Variants in KANK2 observed in about 807,000 individuals in gnomAD.
KANK2 encodes KN motif and ankyrin repeat domains 2, also known as KN motif and ankyrin repeat domain-containing protein 2.
In KANK2, 41 loss-of-function variants were observed where a neutral mutation model predicts 74.6. The ratio of observed to expected loss-of-function variants is 0.55; its 90% CI spans 0.43 to 0.71. The LOEUF is 0.71. Among genes scored for constraint, KANK2 ranks in the 30% least tolerant of loss-of-function variants. KANK2 has a pLI of 0.00. For synonymous variants in KANK2, 537 were observed against 519.0 expected, an observed-to-expected ratio of 1.03 and a Z score of -0.47; for missense variants, 1,148 against 1,196.4, an observed-to-expected ratio of 0.96 and a Z score of 0.60.
rs61734812 is a variant in KANK2 at position 11,174,543 on chromosome 19, G to A, written c.1998C>T (p.Asn666=). ...CGGAGTAGTGCAGGGCTGTGTTGCC[G>A]TTGCTGTCGGCGATGTTGACCACGT... ...LDYVVNIADS[N]GNTALHYSVS... is the part of the protein sequence containing the mutation. The change falls in exon 9 of 13, where the codon AAC becomes AAT. Residue 666 remains asparagine, a synonymous_variant. Coordinates refer to ENST00000586659, the MANE Select transcript of KANK2 (RefSeq NM_001136191.3). 3,157 of 1,613,636 alleles carry A rather than the reference G, an allele frequency of 2.0e-3. 41 individuals carry two copies. The African/African-American group carries it at 0.031, about 16-fold the overall frequency.
chr19:11,166,628 G>C lies in KANK2; in HGVS notation c.2503-17C>G. ...TGGGGCAAACTGAAACAGAGAAGCA[G>C]AATTCTTTTTGTTTGGGATCCTTTC... On this transcript the variant is annotated splice_polypyrimidine_tract_variant and intron_variant, in intron 12 of 12. Transcript: ENST00000586659. The C allele has an allele frequency of 6.2e-7, 1 of 1,613,726 alleles. No individual in the cohort carries two copies.
At chr19:11,191,518 C>T (rs1040936598) in intron 4 of KANK2, among the ~76,000 whole-genome samples, 1 of 152,226 alleles carries the variant, frequency 6.6e-6, no homozygotes, top group Non-Finnish European at 1.5e-5. Flanking sequence ...TCCCCTACCC[C>T]CGGCGTCCAT....
chr19:11,174,945 TTCTC>T (rs1182860134), intron 8 of KANK2, among the ~76,000 whole-genome samples: 22 of 150,694 alleles, frequency 1.5e-4, no homozygotes, highest in East Asian at 4.0e-4. Context: ...TGGATATAAT[TTCTC>T]TCTCTCTCTT....
chr19:11,180,104 C>T (rs145800391), intron 4 of KANK2, among the ~76,000 whole-genome samples: 209 of 152,268 alleles, frequency 1.4e-3, no homozygotes, highest in African/African-American at 4.7e-3. Flanking sequence ...TCAAGTGATC[C>T]GCCTTCCAAA....
In KANK2 at chr19:11,174,453, G is replaced by A. The variant is rs370054146; in HGVS notation, c.2068+20C>T. 34 of 1,582,416 alleles carry A rather than the reference G, an allele frequency of 2.1e-5. No individual in the cohort carries two copies. Among genetic ancestry groups the A allele is most frequent in the African/African-American group, 1.9e-4 (14 of 74,298 alleles). Reference sequence around the variant, plus strand: ...CAGCTGGCTGGTTTAGAGCCGCCTCGTCCTCCCCGCTGGGCTCACCGCTGT... The same window carrying A: ...CAGCTGGCTGGTTTAGAGCCGCCTCATCCTCCCCGCTGGGCTCACCGCTGT... On this transcript the variant is annotated intron_variant, in intron 9 of 12. Coordinates refer to ENST00000586659, the MANE Select transcript of KANK2 (RefSeq NM_001136191.3).
chr19:11,167,035 G>A (rs1219631486), intron 12 of KANK2, among the ~76,000 whole-genome samples: 3 of 152,168 alleles, frequency 2.0e-5, no homozygotes, highest in African/African-American at 7.2e-5. Context: ...GTTGTGCAGG[G>A]CCTGGTGGGC....
Position 11,164,823 on chromosome 19 carries a change from C to T in KANK2, c.*1735G>A, listed in dbSNP as rs1177730107. The T allele has an allele frequency of 6.6e-6, 1 of 152,070 alleles. No homozygotes were observed. Among genetic ancestry groups the T allele is most frequent in the Admixed American group, 6.6e-5 (1 of 15,226 alleles). 9.4% of individuals were successfully genotyped at this position (152,070 alleles called of 1,614,324 possible). ...TACGTACATTCCCTTCACTAAAAAT[C>T]AAAGCAAGCCAGTCTACATCAAGCC... is the stretch of plus-strand genomic sequence containing the variant. On this transcript the variant is annotated 3_prime_UTR_variant, in exon 13 of 13. Coordinates refer to ENST00000586659, the MANE Select transcript of KANK2 (RefSeq NM_001136191.3).
At chr19:11,168,895 C>A (rs2078096442) in intron 12 of KANK2, among the ~76,000 whole-genome samples, 1 of 152,140 alleles carries the variant, frequency 6.6e-6, no homozygotes, top group African/African-American at 2.4e-5. Context: ...GCACAATCAG[C>A]TCTTCATAAA....
At chr19:11,189,826 G>A (rs530442051) in intron 4 of KANK2, among the ~76,000 whole-genome samples, 2 of 152,094 alleles carry the variant, frequency 1.3e-5, no homozygotes, top group Non-Finnish European at 2.9e-5. Context: ...GCTCTGGGAG[G>A]CACGTCTGGA....
intron 4 of KANK2, among the ~76,000 whole-genome samples, chr19:11,188,916 T>C (rs1600821881): frequency 6.8e-6 from 1 of 146,174 alleles, no homozygotes; most frequent in Non-Finnish European, 1.5e-5. Context: ...ACCCAGGAGG[T>C]GGAGGTTGCA....
At chr19:11,173,330 G>A (rs2078233343) in intron 9 of KANK2, among the ~76,000 whole-genome samples, 1 of 152,140 alleles carries the variant, frequency 6.6e-6, no homozygotes, top group African/African-American at 2.4e-5. Flanking sequence ...ATCAGATTTG[G>A]GGCCCCTGAT....
chr19:11,194,082 G>A, intron 3 of KANK2, 40 bp from the exon 4 acceptor site: 1 of 1,553,406 alleles, frequency 6.4e-7, no homozygotes, highest in Middle Eastern at 1.8e-4. Flanking sequence ...GAATCCTCTT[G>A]TCCCCATTCT....
chr19:11,189,280 A>C (rs67431680), intron 4 of KANK2, among the ~76,000 whole-genome samples: 1 of 151,650 alleles, frequency 6.6e-6, no homozygotes, highest in African/African-American at 2.4e-5. Flanking sequence ...AAAGCCTCAC[A>C]TTATTCCAGT....
intron 4 of KANK2, among the ~76,000 whole-genome samples, chr19:11,190,074 T>G (rs1446200385): frequency 6.6e-6 from 1 of 152,226 alleles, no homozygotes; most frequent in African/African-American, 2.4e-5. Flanking sequence ...GGATGAGAAC[T>G]TGGGCCCTAC....
intron 4 of KANK2, among the ~76,000 whole-genome samples, chr19:11,179,443 C>T (rs576353963): frequency 1.3e-5 from 2 of 151,668 alleles, no homozygotes; most frequent in Non-Finnish European, 2.9e-5. Flanking sequence ...TCAAGACCAG[C>T]CTGGCCAACA....
chr19:11,192,076 G>C (rs12979370), intron 4 of KANK2, among the ~76,000 whole-genome samples: 10,535 of 152,054 alleles, frequency 0.069, 420 homozygotes, highest in Admixed American at 0.09. Flanking sequence ...ACGACAACAA[G>C]AACAAGATAT....
chr19:11,192,832 T>C lies in KANK2; in HGVS notation c.1248A>G (p.Ala416=). The change falls in exon 4 of 13, where the codon GCA becomes GCG. Residue 416 remains alanine, a splice_region_variant and synonymous_variant. Transcript: ENST00000586659. ...SITERSCDGA[A]GLPEVPAESS... is the part of the protein sequence containing the mutation. The stretch of plus-strand genomic sequence containing the variant: ...CCCTGCCTGCCTGCGACCGCTTACC[T>C]GCTGCTCCATCGCAGCTTCGCTCTG... The C allele has an allele frequency of 1.3e-6, 2 of 1,525,376 alleles. No individual in the cohort carries two copies. Among genetic ancestry groups the C allele is most frequent in the Non-Finnish European group, 1.8e-6 (2 of 1,125,634 alleles). The allele number at this position is 1,525,376 out of a possible 1,614,324, so 94.5% of individuals were successfully genotyped here. A position where few individuals can be genotyped will look rare whatever the true frequency, so the allele number is the denominator to read the frequency against.
rs4804572 is a variant in KANK2 at position 11,166,398 on chromosome 19, C to T, written c.*160G>A. 0.41 allele frequency: 268,021 copies of T among 655,720 alleles called. 55,979 individuals are homozygous for T. The highest frequency in any genetic ancestry group is 0.52 in the South Asian group (27,427 of 52,686). The allele number at this position is 655,720 out of a possible 1,614,324, so 40.6% of individuals were successfully genotyped here. ...CTTGGAGCTGGAGTCCTGTGGCCGT[C>T]GGGGCTCCCCCAGGGAAGCAGAGGG... On this transcript the variant is annotated 3_prime_UTR_variant, in exon 13 of 13. Coordinates refer to ENST00000586659, the MANE Select transcript of KANK2 (RefSeq NM_001136191.3).
chr19:11,187,043 G>A (rs1600820283), intron 4 of KANK2, among the ~76,000 whole-genome samples: 1 of 152,106 alleles, frequency 6.6e-6, no homozygotes, highest in Non-Finnish European at 1.5e-5. Flanking sequence ...AGATCATGAG[G>A]TCAGGAGTTC....
Sources: allele counts gnomAD v4.1 joint callset (sites outside exome capture counted in the v4.1 genomes callset), GRCh38; gene constraint gnomAD v4.1.1; transcripts MANE v1.5; gene names NCBI Gene and HGNC (gene_info 2026-07-23, HGNC 2026-07-21).